The following KCNIP4 variants were observed in gnomAD, a reference collection of about 807,000 sequenced individuals.
The protein encoded by KCNIP4 is Kv channel-interacting protein 4.
KCNIP4 carries 12 observed loss-of-function variants against 34.0 expected under a neutral mutation model. That is an observed-to-expected ratio of 0.35 (90% confidence interval 0.23 to 0.57). The LOEUF is 0.57. KCNIP4 is among the 20% of genes least tolerant of loss of function. KCNIP4 has a pLI of 0.83. For synonymous variants in KCNIP4, 124 were observed against 102.2 expected (o/e 1.21, Z -1.29); for missense variants, 238 against 311.7 (o/e 0.76, Z 1.78).
chr4:20,817,426 T>A (rs888145325), intron 3 of KCNIP4, among the ~76,000 whole-genome samples: 1 of 152,190 alleles, frequency 6.6e-6, no homozygotes, highest in Non-Finnish European at 1.5e-5. Context: ...GCTGCTCCCA[T>A]CCTGCTAGGC....
At chr4:21,121,790 T>A (rs1750180603) in intron 1 of KCNIP4, among the ~76,000 whole-genome samples, 1 of 152,206 alleles carries the variant, frequency 6.6e-6, no homozygotes, top group African/African-American at 2.4e-5. Flanking sequence ...TCCAGTACGA[T>A]GTCATGAAAA....
chr4:21,085,703 C>G (rs1746365194), intron 1 of KCNIP4, among the ~76,000 whole-genome samples: 1 of 152,132 alleles, frequency 6.6e-6, no homozygotes, highest in African/African-American at 2.4e-5. Flanking sequence ...AAGACATAAT[C>G]TCAGGAAGGA....
At chr4:21,584,466 C>T (rs1278394090) in intron 1 of KCNIP4, among the ~76,000 whole-genome samples, 2 of 151,976 alleles carry the variant, frequency 1.3e-5, no homozygotes, top group Non-Finnish European at 2.9e-5. Flanking sequence ...CTAATACACA[C>T]ACATTAAGAT....
At chr4:21,517,424 C>T (rs951226717) in intron 1 of KCNIP4, among the ~76,000 whole-genome samples, 5 of 152,094 alleles carry the variant, frequency 3.3e-5, no homozygotes, top group African/African-American at 1.2e-4. Flanking sequence ...ACTTTAATAA[C>T]TAAAATTAAT....
At chr4:21,461,626 T>G (rs1179999966) in intron 1 of KCNIP4, among the ~76,000 whole-genome samples, 3 of 152,064 alleles carry the variant, frequency 2.0e-5, no homozygotes, top group Non-Finnish European at 2.9e-5. Flanking sequence ...AAGTCCAGTC[T>G]CTAGACTTTT....
chr4:21,903,821 T>C (rs1727841885), intron 1 of KCNIP4, among the ~76,000 whole-genome samples: 1 of 152,192 alleles, frequency 6.6e-6, no homozygotes, highest in African/African-American at 2.4e-5. Flanking sequence ...CCCTAATGTG[T>C]ACACCCCAAT....
intron 2 of KCNIP4, among the ~76,000 whole-genome samples, chr4:20,862,817 A>G (rs1212529692): frequency 6.6e-6 from 1 of 152,204 alleles, no homozygotes; most frequent in African/African-American, 2.4e-5. Context: ...TATCATTTGC[A>G]GAAACATGGA....
At chr4:21,509,752 C>T (rs1734147225) in intron 1 of KCNIP4, among the ~76,000 whole-genome samples, 1 of 152,160 alleles carries the variant, frequency 6.6e-6, no homozygotes, top group Admixed American at 6.5e-5. Context: ...CTCACCTGAT[C>T]TTCTGGCCTG....
Position 21,790,443 on chromosome 4 carries a change from G to A in KCNIP4, c.61+158128C>T, listed in dbSNP as rs377275012. On this transcript the variant is annotated intron_variant, in intron 1 of 8. Transcript: ENST00000382152. ...AAATTTCACATACACCAGAATAGGA[G>A]AGGAATTTCGGAGGCTTTAGAGGTG... Among the ~76,000 whole-genome samples, 107 of 152,258 alleles carry A rather than the reference G, an allele frequency of 7.0e-4. 1 individual carries two copies. In the South Asian group the frequency reaches 0.022, roughly 31 times the overall value.
chr4:21,198,814 C>T (rs150686708), intron 1 of KCNIP4, among the ~76,000 whole-genome samples: 142 of 152,272 alleles, frequency 9.3e-4, no homozygotes, highest in African/African-American at 3.2e-3. Flanking sequence ...CACCTATAGG[C>T]CAATTGTTCT....
chr4:21,234,943 T>C (rs571138233), intron 1 of KCNIP4, among the ~76,000 whole-genome samples: 2 of 152,136 alleles, frequency 1.3e-5, no homozygotes, highest in African/African-American at 2.4e-5. Flanking sequence ...CCACCACTTC[T>C]GGCCATATTT....
Position 21,465,301 on chromosome 4 carries a change from A to G in KCNIP4, c.61+483270T>C, listed in dbSNP as rs556447121. On this transcript the variant is annotated intron_variant, in intron 1 of 8. Transcript: ENST00000382152. ...AATCCTACTGACAGCAGCTAAGAGT[A>G]AGAACTTGACATGCTCAGCAGGTAC... Among the ~76,000 whole-genome samples the G allele has an allele frequency of 5.9e-5, 9 of 152,250 alleles. No homozygotes were observed. The East Asian group carries it at 1.4e-3, about 23-fold the overall frequency.
intron 1 of KCNIP4, among the ~76,000 whole-genome samples, chr4:21,195,792 A>G (rs920470644): frequency 1.3e-5 from 2 of 152,180 alleles, no homozygotes; most frequent in African/African-American, 4.8e-5. Context: ...ATGGCTCATT[A>G]AGAATGTTGC....
chr4:21,810,447 T>C (rs1029803631), intron 1 of KCNIP4, among the ~76,000 whole-genome samples: 10 of 152,010 alleles, frequency 6.6e-5, no homozygotes, highest in African/African-American at 2.2e-4. Flanking sequence ...TCCCAGCACA[T>C]TGGGAGGCTG....
intron 1 of KCNIP4, among the ~76,000 whole-genome samples, chr4:21,873,649 G>A (rs1431935208): frequency 2.0e-5 from 3 of 152,128 alleles, no homozygotes; most frequent in Non-Finnish European, 2.9e-5. Flanking sequence ...CAATCTATCT[G>A]AACATACAAA....
chr4:21,861,576 G>T (rs1459100725), intron 1 of KCNIP4, among the ~76,000 whole-genome samples: 1 of 148,350 alleles, frequency 6.7e-6, no homozygotes, highest in Non-Finnish European at 1.5e-5. Context: ...ACTTAAGCCG[G>T]GACACAGGAG....
At chr4:20,791,400 G>T (rs1198163367) in intron 3 of KCNIP4, among the ~76,000 whole-genome samples, 1 of 152,026 alleles carries the variant, frequency 6.6e-6, no homozygotes, top group East Asian at 1.9e-4. Context: ...TAAAATATTT[G>T]TCTTTATTAT....
chr4:21,481,484 A>G (rs1731423523), intron 1 of KCNIP4, among the ~76,000 whole-genome samples: 1 of 152,198 alleles, frequency 6.6e-6, no homozygotes, highest in African/African-American at 2.4e-5. Context: ...GAAGGGTCAT[A>G]GTGGCTTGGG....
intron 1 of KCNIP4, among the ~76,000 whole-genome samples, chr4:21,558,833 TC>T: frequency 6.6e-6 from 1 of 152,186 alleles, no homozygotes; most frequent in East Asian, 1.9e-4. Flanking sequence ...ACTTTATTGA[TC>T]AAAAAGAGGC....
Sources: allele counts gnomAD v4.1 joint callset (sites outside exome capture counted in the v4.1 genomes callset), GRCh38; gene constraint gnomAD v4.1.1; transcripts MANE v1.5; gene names NCBI Gene and HGNC (gene_info 2026-07-23, HGNC 2026-07-21).